ARFGAP3: variants seen among roughly 807,000 people sequenced by gnomAD.
The protein encoded by ARFGAP3 is ADP-ribosylation factor GTPase-activating protein 3.
Under a neutral mutation model 75.0 loss-of-function variants are expected in ARFGAP3, and 72 were observed. The ratio of observed to expected loss-of-function variants is 0.96; its 90% confidence interval spans 0.79 to 1.17. The LOEUF (loss-of-function observed/expected upper bound fraction) is 1.17. Among genes scored for constraint, ARFGAP3 ranks in the 50% most tolerant of loss-of-function variants. The pLI is 0.00. For synonymous variants in ARFGAP3, 221 were observed against 217.9 expected (o/e 1.01, Z -0.13); for missense variants, 620 against 626.6 (o/e 0.99, Z 0.11).
At chr22:42,837,370 C>T (rs930811147) in intron 3 of ARFGAP3, among the ~76,000 whole-genome samples, 1 of 152,020 alleles carries the variant, frequency 6.6e-6, no homozygotes, top group African/African-American at 2.4e-5. Context: ...CCTGCAATCC[C>T]AGCATTTTGG....
At chr22:42,810,629 C>G (rs919925969) in intron 12 of ARFGAP3, among the ~76,000 whole-genome samples, 184 bp downstream of exon 12, 1 of 152,186 alleles carries the variant, frequency 6.6e-6, no homozygotes, top group Admixed American at 6.5e-5. Flanking sequence ...TCATAGCTCA[C>G]TGCAGCCTTG....
In ARFGAP3 at chr22:42,817,281, A is replaced by AAT. The variant is rs1426610955; in HGVS notation, c.942-19_942-18dup. The AAT allele has an allele frequency of 6.3e-7, 1 of 1,588,870 alleles. No homozygotes were observed. Among genetic ancestry groups the AAT allele is most frequent in the Non-Finnish European group, 8.6e-7 (1 of 1,166,402 alleles). ...GAAATAACACTTGAGAAAACAGAAA[A>AAT]ATATATATATCAGTAAGTTCACAAA... On this transcript the variant is annotated splice_polypyrimidine_tract_variant and intron_variant, in intron 10 of 15. Transcript: ENST00000263245.
At chr22:42,816,098 A>C (rs1201755564) in intron 11 of ARFGAP3, among the ~76,000 whole-genome samples, 2 of 152,206 alleles carry the variant, frequency 1.3e-5, no homozygotes, top group African/African-American at 4.8e-5. Context: ...TGGGTGACAG[A>C]GTGAGACTCT....
chr22:42,834,008 T>G (rs1441249290), intron 5 of ARFGAP3, among the ~76,000 whole-genome samples: 1 of 152,222 alleles, frequency 6.6e-6, no homozygotes, highest in African/African-American at 2.4e-5. Flanking sequence ...CTGGAGCAGC[T>G]GCTTTAGACC....
intron 9 of ARFGAP3, among the ~76,000 whole-genome samples, chr22:42,821,790 A>C (rs1322505142): frequency 6.6e-6 from 1 of 152,198 alleles, no homozygotes; most frequent in Admixed American, 6.5e-5. Flanking sequence ...CTTTACATTT[A>C]ACTTTCTGAA....
chr22:42,808,941 A>C, intron 12 of ARFGAP3, 51 bp from the exon 13 acceptor site: 1 of 1,488,232 alleles, frequency 6.7e-7, no homozygotes, highest in South Asian at 1.4e-5. Context: ...GGTGAAGCAA[A>C]TGTGTTTCAT....
chr22:42,797,812 C>A, intron 15 of ARFGAP3: 1 of 886,550 alleles, frequency 1.1e-6, no homozygotes, highest in Non-Finnish European at 1.4e-6. Context: ...CAGAACCCAA[C>A]AGGATTCACA....
chr22:42,803,580 G>A (rs2146525941), intron 14 of ARFGAP3, among the ~76,000 whole-genome samples: 1 of 152,342 alleles, frequency 6.6e-6, no homozygotes, highest in East Asian at 1.9e-4. Context: ...GTCATCTGGT[G>A]TCTGAGTGCC....
chr22:42,811,631 A>G (rs967884877), intron 11 of ARFGAP3, among the ~76,000 whole-genome samples: 4 of 152,224 alleles, frequency 2.6e-5, no homozygotes, highest in African/African-American at 9.6e-5. Context: ...TTCTGGGGAT[A>G]GTCTTTCAGC....
chr22:42,848,240 G>C (rs1178150438), intron 1 of ARFGAP3, among the ~76,000 whole-genome samples: 1 of 151,898 alleles, frequency 6.6e-6, no homozygotes, highest in Non-Finnish European at 1.5e-5. Context: ...ACGGAGTCTC[G>C]CTCTGTCGCC....
intron 4 of ARFGAP3, among the ~76,000 whole-genome samples, chr22:42,835,148 T>C (rs1365534228): frequency 6.6e-6 from 1 of 152,248 alleles, no homozygotes; most frequent in Non-Finnish European, 1.5e-5. Flanking sequence ...AACCTAATCC[T>C]GTATTTCTCC....
At chr22:42,849,916 C>T (rs577474210) in intron 1 of ARFGAP3, among the ~76,000 whole-genome samples, 6 of 152,208 alleles carry the variant, frequency 3.9e-5, no homozygotes, top group African/African-American at 1.4e-4. Context: ...GGTAAACGCA[C>T]AATAAGTGTT....
chr22:42,821,050 G>A (rs1281781181), intron 9 of ARFGAP3, among the ~76,000 whole-genome samples: 1 of 151,932 alleles, frequency 6.6e-6, no homozygotes, highest in African/African-American at 2.4e-5. Flanking sequence ...CTTCAGGCAG[G>A]CCCCCGACAC....
Position 42,822,404 on chromosome 22 carries a change from C to T in ARFGAP3, c.678G>A (p.Gly226=), listed in dbSNP as rs756168029. Residue 226 remains glycine, a synonymous_variant, in exon 9 of 16, where the codon GGG becomes GGA. Coordinates refer to ENST00000263245, the MANE Select transcript of ARFGAP3 (RefSeq NM_014570.5). ...KKPNQAKKGL[G]AKKGSLGAQK... ...GAGCTCCCAAACTTCCTTTTTTGGC[C>T]CCAAGCTAGAACATATATAAGACTA... 2.1e-5 allele frequency: 34 copies of T among 1,613,690 alleles called. No homozygotes were observed. The South Asian group carries it at 2.6e-4, about 13-fold the overall frequency.
chr22:42,829,527 T>C lies in ARFGAP3; in HGVS notation c.565+2022A>G, dbSNP rs1378227846. ...TCTTCTTTGCAGGCATCTACGGTCA[T>C]ATGCCTAAAAAAAGAATGTGGAAAA... On this transcript the variant is annotated intron_variant, in intron 6 of 15. Transcript: ENST00000263245. Among the ~76,000 whole-genome samples the C allele has an allele frequency of 2.1e-5, 3 of 143,734 alleles. 1 individual carries two copies. The South Asian group carries it at 6.8e-4, about 32-fold the overall frequency. The allele number at this position is 143,734 out of a possible 152,430, so 94.3% of individuals were successfully genotyped here. A position where few individuals can be genotyped will look rare whatever the true frequency, so the allele number is the denominator to read the frequency against.
intron 1 of ARFGAP3, among the ~76,000 whole-genome samples, chr22:42,854,273 C>T (rs61303195): frequency 0.018 from 2,698 of 152,210 alleles, 90 homozygotes; most frequent in African/African-American, 0.062. Context: ...ATGAATAACC[C>T]AATCTATATA....
Position 42,846,336 on chromosome 22 carries a change from C to T in ARFGAP3, c.188+1178G>A, listed in dbSNP as rs1927019436. ...GGCCTGTGGCAGGTGACAGGCAGGC[C>T]TTGCTTAGCTTCCAAGCCCTGGGGA... On this transcript the variant is annotated intron_variant, in intron 2 of 15. Transcript: ENST00000263245. Among the ~76,000 whole-genome samples the T allele has an allele frequency of 2.6e-5, 4 of 152,332 alleles. No individual in the cohort carries two copies. The South Asian group carries it at 8.3e-4, about 32-fold the overall frequency.
chr22:42,812,224 CAAA>C (rs3046479), intron 11 of ARFGAP3, among the ~76,000 whole-genome samples: 1 of 56,628 alleles, frequency 1.8e-5, no homozygotes. Context: ...GATACTGTCT[CAAA>C]AAAAAAAAAA....
At chr22:42,840,400 T>C (rs111328369) in intron 3 of ARFGAP3, among the ~76,000 whole-genome samples, 3 of 152,048 alleles carry the variant, frequency 2.0e-5, no homozygotes, top group Non-Finnish European at 2.9e-5. Flanking sequence ...AACTTTCAAG[T>C]ATTGAACTCT....
Sources: allele counts gnomAD v4.1 joint callset (sites outside exome capture counted in the v4.1 genomes callset), GRCh38; gene constraint gnomAD v4.1.1; transcripts MANE v1.5; gene names NCBI Gene and HGNC (gene_info 2026-07-23, HGNC 2026-07-21).